EEFSEC: variants seen among roughly 807,000 people sequenced by gnomAD.
EEFSEC encodes the protein selenocysteine-specific elongation factor.
Under a neutral mutation model 42.1 loss-of-function variants are expected in EEFSEC, and 43 were observed. That is an observed-to-expected ratio of 1.02 (90% CI 0.80 to 1.32). The LOEUF (loss-of-function observed/expected upper bound fraction) is 1.32, where lower values mean the gene tolerates loss of function less well. EEFSEC is among the 40% of genes most tolerant of loss of function. The pLI, the probability that EEFSEC is intolerant of heterozygous loss-of-function variation, is 0.00. For missense variants in EEFSEC, 745 were observed against 803.6 expected (o/e 0.93, Z 0.88); for synonymous variants, 354 against 339.1 (o/e 1.04, Z -0.48).
At chr3:128,421,615 G>A in the EEFSEC span, among the ~76,000 whole-genome samples, 2 of 152,216 alleles carry the variant, frequency 1.3e-5, no homozygotes, top group Admixed American at 6.5e-5. Flanking sequence ...GACTTTTCCC[G>A]AAGGTGACCT....
At chr3:128,184,855 C>T (rs894836119) in intron 1 of EEFSEC, among the ~76,000 whole-genome samples, 2 of 152,098 alleles carry the variant, frequency 1.3e-5, no homozygotes, top group Non-Finnish European at 2.9e-5. Flanking sequence ...TTGTATTTTG[C>T]ACCTTACCCA....
At chr3:128,386,795 C>T (rs1033507443) in intron 6 of EEFSEC, among the ~76,000 whole-genome samples, 3 of 152,150 alleles carry the variant, frequency 2.0e-5, no homozygotes, top group African/African-American at 7.2e-5. Flanking sequence ...ACAACCGGCT[C>T]TCACATGGAC....
At chr3:128,421,279 G>A in the EEFSEC span, among the ~76,000 whole-genome samples, 1 of 152,230 alleles carries the variant, frequency 6.6e-6, no homozygotes, top group Admixed American at 6.5e-5. Flanking sequence ...CACAGCAGCA[G>A]AGGCTCTGCC....
At chr3:128,365,161 C>T (rs987424996) in intron 6 of EEFSEC, among the ~76,000 whole-genome samples, 21 of 152,222 alleles carry the variant, frequency 1.4e-4, no homozygotes, top group Non-Finnish European at 8.8e-5. Flanking sequence ...TTTATTGGGC[C>T]CTCCGTGTAC....
At chr3:128,415,691 C>G in the EEFSEC span, among the ~76,000 whole-genome samples, 3 of 152,224 alleles carry the variant, frequency 2.0e-5, no homozygotes, top group Admixed American at 6.5e-5. Flanking sequence ...TCGGGGCTCT[C>G]GCACAGATGG....
At chr3:128,272,459 A>G (rs2107948393) in intron 4 of EEFSEC, among the ~76,000 whole-genome samples, 1 of 152,234 alleles carries the variant, frequency 6.6e-6, no homozygotes, top group Non-Finnish European at 1.5e-5. Context: ...CTGAACGGCC[A>G]CCTTACTCCC....
intron 4 of EEFSEC, among the ~76,000 whole-genome samples, chr3:128,335,630 G>A (rs1039082189): frequency 6.6e-5 from 10 of 152,202 alleles, no homozygotes; most frequent in African/African-American, 2.4e-4. Flanking sequence ...GAGATGGGAG[G>A]CCAGTGGAGA....
intron 6 of EEFSEC, among the ~76,000 whole-genome samples, chr3:128,371,463 G>A (rs1311003497): frequency 6.6e-6 from 1 of 152,198 alleles, no homozygotes; most frequent in East Asian, 1.9e-4. Flanking sequence ...AACTTCTCTA[G>A]ATGTTCCCAA....
intron 1 of EEFSEC, among the ~76,000 whole-genome samples, chr3:128,165,235 A>G (rs1029096323): frequency 6.6e-6 from 1 of 152,226 alleles, no homozygotes; most frequent in Non-Finnish European, 1.5e-5. Flanking sequence ...AGGGCGCACA[A>G]GTAGCCAGTG....
At position 128,177,713 on chromosome 3, in the gene EEFSEC, C is replaced by T. The variant is rs541941286; in HGVS notation, c.316+23890C>T. On this transcript the variant is annotated intron_variant, in intron 1 of 6. Transcript: ENST00000254730. ...CGTTCATTCTTTTTGTGTTTTGTTG[C>T]GGCATAGATTGCTTAAACCAAGTGA... Among the ~76,000 whole-genome samples, 19 of 152,170 alleles carry T rather than the reference C, an allele frequency of 1.2e-4. No individual in the cohort carries two copies. In the South Asian group the frequency reaches 2.3e-3, roughly 18 times the overall value.
At chr3:128,358,710 G>A (rs1386246700) in intron 6 of EEFSEC, among the ~76,000 whole-genome samples, 2 of 151,848 alleles carry the variant, frequency 1.3e-5, no homozygotes, top group Non-Finnish European at 3.0e-5. Context: ...GCAGTTTGGA[G>A]AAGAGCAGGT....
intron 4 of EEFSEC, among the ~76,000 whole-genome samples, chr3:128,293,677 A>ACAAAAAAC (rs774179780): frequency 6.7e-6 from 1 of 148,876 alleles, no homozygotes; most frequent in Non-Finnish European, 1.5e-5. Context: ...AAAAAAAAAA[A>ACAAAAAAC]AAAAAAAAAA....
At chr3:128,288,179 TTCAG>T (rs1559904025) in intron 4 of EEFSEC, among the ~76,000 whole-genome samples, 1 of 152,142 alleles carries the variant, frequency 6.6e-6, no homozygotes. Context: ...AGGTGCTTTT[TTCAG>T]TTATTTCAAG....
intron 6 of EEFSEC, among the ~76,000 whole-genome samples, chr3:128,394,266 C>T (rs1401609262): frequency 1.3e-5 from 2 of 152,198 alleles, no homozygotes; most frequent in Non-Finnish European, 2.9e-5. Flanking sequence ...ACCAGAGATG[C>T]CACGCCACCC....
intron 1 of EEFSEC, among the ~76,000 whole-genome samples, chr3:128,200,825 A>T (rs1161342378): frequency 1.3e-5 from 2 of 152,124 alleles, no homozygotes; most frequent in African/African-American, 4.8e-5. Context: ...TCTCATTAGG[A>T]TGTCTTTTTT....
intron 6 of EEFSEC, among the ~76,000 whole-genome samples, chr3:128,381,185 A>C (rs1043878893): frequency 6.6e-6 from 1 of 152,092 alleles, no homozygotes; most frequent in Non-Finnish European, 1.5e-5. Flanking sequence ...ACCACCTCCT[A>C]TCCATGACTT....
At chr3:128,423,993 T>C in the EEFSEC span, among the ~76,000 whole-genome samples, 2 of 151,974 alleles carry the variant, frequency 1.3e-5, no homozygotes, top group African/African-American at 4.8e-5. Context: ...ATGGGGAGAA[T>C]GTGACCTGGA....
rs538297319 is a variant in EEFSEC at position 128,235,940 on chromosome 3, A to AGGTTGGTT, written c.317-10892_317-10891insGGTTGGTT. 5.1e-3 allele frequency among the ~76,000 whole-genome samples: 593 copies of AGGTTGGTT among 117,134 alleles called. 5 individuals carry two copies. The highest frequency in any genetic ancestry group is 0.025 in the Middle Eastern group (6 of 244). The allele number at this position is 117,134 out of a possible 152,430, so 76.8% of individuals were successfully genotyped here. A position where few individuals can be genotyped will look rare whatever the true frequency, so the allele number is the denominator to read the frequency against. On this transcript the variant is annotated intron_variant, in intron 1 of 6. Transcript: ENST00000254730. ...CTGTCTCCCCTGTGTGGATGGGCAA[A>AGGTTGGTT]GGTTTGTTTGTTTGTTTGTTTGTTT...
downstream of EEFSEC, among the ~76,000 whole-genome samples, chr3:128,410,982 G>A (rs529087655): frequency 3.1e-4 from 47 of 152,330 alleles, no homozygotes; most frequent in East Asian, 5.8e-4. Flanking sequence ...GCCTCTGAGC[G>A]CCCTGAGTGT....
Sources: allele counts gnomAD v4.1 joint callset (sites outside exome capture counted in the v4.1 genomes callset), GRCh38; gene constraint gnomAD v4.1.1; transcripts MANE v1.5; gene names NCBI Gene and HGNC (gene_info 2026-07-23, HGNC 2026-07-21).